Variants in SLC6A18 observed in about 807,000 individuals in gnomAD.
The protein encoded by SLC6A18 is solute carrier family 6 member 18, also known as inactive sodium-dependent neutral amino acid transporter B(0)AT3.
In SLC6A18, 58 loss-of-function variants were observed where a neutral mutation model predicts 62.9. The ratio of observed to expected loss-of-function variants is 0.92; its 90% CI spans 0.75 to 1.15. The LOEUF is 1.15. SLC6A18 is among the 50% of genes most tolerant of loss of function. SLC6A18 has a pLI of 0.00. For missense variants in SLC6A18, 793 were observed against 836.6 expected, an observed-to-expected ratio of 0.95 and a Z score of 0.64; for synonymous variants, 382 against 365.8, an observed-to-expected ratio of 1.04 and a Z score of -0.51.
chr5:1,244,587 T>C, intron 10 of SLC6A18, 21 bp from the exon 11 acceptor site: 1 of 1,578,194 alleles, frequency 6.3e-7, no homozygotes, highest in Non-Finnish European at 8.6e-7. Flanking sequence ...ATGTGAAGCC[T>C]GAGCCCAGCA....
chr5:1,243,092 G>A lies in SLC6A18; in HGVS notation c.1131+229G>A, dbSNP rs1747107794. 6.6e-6 allele frequency among the ~76,000 whole-genome samples: 1 copy of A among 152,246 alleles called. No homozygotes were observed. The highest frequency in any genetic ancestry group is 1.5e-5 in the Non-Finnish European group (1 of 68,038). On this transcript the variant is annotated intron_variant, in intron 8 of 11. Coordinates refer to ENST00000324642, the MANE Select transcript of SLC6A18 (RefSeq NM_182632.3). The surrounding 1 kb of genome is among the most constrained non-coding windows in gnomAD (Gnocchi z 6.5). ...GCAGACGCTGCACCCAGCAGTCTTG[G>A]GGGTTGGGCTGACCCGAGAGAGTGG...
In SLC6A18 at chr5:1,243,430, C is replaced by T. The variant is rs1000784630; in HGVS notation, c.1132-125C>T. ...CCAGCCCTGAGCCACCTCAGCCCGACACCAGGAGGGGTGATGTGCACTCGT... is the reference window on the plus strand; with the variant it reads ...CCAGCCCTGAGCCACCTCAGCCCGATACCAGGAGGGGTGATGTGCACTCGT... On this transcript the variant is annotated intron_variant, in intron 8 of 11. Transcript: ENST00000324642. This position sits in a 1 kb window ranked among gnomAD's most constrained non-coding sequence, Gnocchi z 6.5. 1.5e-5 allele frequency: 17 copies of T among 1,127,634 alleles called. No individual in the cohort carries two copies. The highest frequency in any genetic ancestry group is 3.1e-5 in the African/African-American group (2 of 65,488). 69.9% of individuals were successfully genotyped at this position (1,127,634 alleles called of 1,614,324 possible).
At chr5:1,229,461 T>TGGTCACCTGAGGCCCCAGCCC (rs1746665303) in intron 1 of SLC6A18, among the ~76,000 whole-genome samples, 4 of 152,238 alleles carry the variant, frequency 2.6e-5, no homozygotes, top group African/African-American at 7.2e-5. Context: ...GACCTCAGCC[T>TGGTCACCTGAGGCCCCAGCCC]GGTCACCTGA....
intron 11 of SLC6A18, among the ~76,000 whole-genome samples, 173 bp from the exon 12 acceptor site, chr5:1,245,675 G>A (rs1184986322): frequency 6.6e-6 from 1 of 152,234 alleles, no homozygotes; most frequent in Non-Finnish European, 1.5e-5. Flanking sequence ...TCCTGGCCCG[G>A]AGGGGCGGTG....
Position 1,243,042 on chromosome 5 carries a change from G to A in SLC6A18, c.1131+179G>A, listed in dbSNP as rs746508344. Among the ~76,000 whole-genome samples the A allele has an allele frequency of 3.3e-5, 5 of 152,230 alleles. No individual in the cohort carries two copies. The highest frequency in any genetic ancestry group is 5.9e-5 in the Non-Finnish European group (4 of 68,032). ...GGTTGCCAGGCCTCCTGGAAAGCCC[G>A]AAGTCCTGGGGGCAGCTGTGTCCAG... is the stretch of plus-strand genomic sequence containing the variant. On this transcript the variant is annotated intron_variant, in intron 8 of 11. Transcript: ENST00000324642. The surrounding 1 kb of genome is among the most constrained non-coding windows in gnomAD (Gnocchi z 6.5).
intron 1 of SLC6A18, 81 bp downstream of exon 1, chr5:1,225,718 G>T: frequency 6.9e-7 from 1 of 1,455,032 alleles, no homozygotes; most frequent in Non-Finnish European, 9.2e-7. Flanking sequence ...CGCCTGCCAC[G>T]CATCCCCAGT....
Position 1,225,401 on chromosome 5 carries a change from G to A in SLC6A18, c.-77G>A. The A allele has an allele frequency of 2.1e-6, 3 of 1,454,370 alleles. No individual in the cohort carries two copies. Among genetic ancestry groups the A allele is most frequent in the South Asian group, 1.3e-5 (1 of 76,450 alleles). The allele number at this position is 1,454,370 out of a possible 1,614,324, so 90.1% of individuals were successfully genotyped here. A position where few individuals can be genotyped will look rare whatever the true frequency, so the allele number is the denominator to read the frequency against. On this transcript the variant is annotated 5_prime_UTR_variant, in exon 1 of 12. Transcript: ENST00000324642. ...CTTGTGGTTTCCAAACGTCGGCAGAGGCTGGAGACGGCTCTCTAGTGCTGG... is the reference window on the plus strand; with the variant it reads ...CTTGTGGTTTCCAAACGTCGGCAGAAGCTGGAGACGGCTCTCTAGTGCTGG...
rs1746747907 is a variant in SLC6A18 at position 1,232,227 on chromosome 5, C to T, written c.169C>T (p.Leu57Phe). The T allele has an allele frequency of 6.2e-7, 1 of 1,611,890 alleles. No individual in the cohort carries two copies. The highest frequency in any genetic ancestry group is 1.7e-5 in the Admixed American group (1 of 59,926). Residue 57 changes from leucine to phenylalanine, a missense_variant, in exon 2 of 12, where the codon CTC becomes TTC. Transcript: ENST00000324642. ...LCQTYGGGAF[L>F]IPYVIALVFE... ...CCACCCCCTCCTCACAGGGGCCTTC[C>T]TCATCCCCTACGTCATCGCGCTGGT...
At chr5:1,232,148 C>A in intron 1 of SLC6A18, 71 bp from the exon 2 acceptor site, 4 of 1,414,694 alleles carry the variant, frequency 2.8e-6, no homozygotes, top group South Asian at 1.3e-5. Flanking sequence ...ACAGGTGGCT[C>A]CCCCTGGCCC....
chr5:1,243,412 T>G lies in SLC6A18; in HGVS notation c.1132-143T>G. ...GTCTCCCAGAAGGCATGGCCAGCCCTGAGCCACCTCAGCCCGACACCAGGA... is the reference window on the plus strand; with the variant it reads ...GTCTCCCAGAAGGCATGGCCAGCCCGGAGCCACCTCAGCCCGACACCAGGA... On this transcript the variant is annotated intron_variant, in intron 8 of 11. Coordinates refer to ENST00000324642, the MANE Select transcript of SLC6A18 (RefSeq NM_182632.3). This position sits in a 1 kb window ranked among gnomAD's most constrained non-coding sequence, Gnocchi z 6.5. The G allele has an allele frequency of 1.1e-6, 1 of 922,302 alleles. No individual in the cohort carries two copies. Among genetic ancestry groups the G allele is most frequent in the Non-Finnish European group, 1.6e-6 (1 of 606,642 alleles). 57.1% of individuals were successfully genotyped at this position (922,302 alleles called of 1,614,324 possible).
In SLC6A18 at chr5:1,243,617, G is replaced by A. The variant is rs1747126334; in HGVS notation, c.1194G>A (p.Gly398=). The change falls in exon 9 of 12, where the codon GGG becomes GGA. Residue 398 remains glycine (G), a synonymous_variant. Transcript: ENST00000324642. This position sits in a 1 kb window ranked among gnomAD's most constrained non-coding sequence, Gnocchi z 6.5. ...VFTETDLHMP[G]APVWAMLFFG... Reference sequence around the variant, plus strand: ...CGGAGACCGACCTCCACATGCCGGGGGCTCCTGTGTGGGCCATGCTCTTCT... The same window carrying A: ...CGGAGACCGACCTCCACATGCCGGGAGCTCCTGTGTGGGCCATGCTCTTCT... 1 of 1,613,960 alleles carries A rather than the reference G, an allele frequency of 6.2e-7. No homozygotes were observed. Among genetic ancestry groups the A allele is most frequent in the South Asian group, 1.1e-5 (1 of 91,086 alleles).
chr5:1,237,708 G>A (rs1746921102), intron 4 of SLC6A18, among the ~76,000 whole-genome samples: 1 of 152,086 alleles, frequency 6.6e-6, no homozygotes, highest in Admixed American at 6.5e-5. Context: ...TGCTCCATGG[G>A]GCACAAACAT....
At chr5:1,231,083 G>A (rs1199293093) in intron 1 of SLC6A18, among the ~76,000 whole-genome samples, 1 of 152,188 alleles carries the variant, frequency 6.6e-6, no homozygotes, top group Non-Finnish European at 1.5e-5. Context: ...TGAACTTAGA[G>A]GTCAAATTGC....
chr5:1,230,221 G>A (rs528219525), intron 1 of SLC6A18, among the ~76,000 whole-genome samples: 4 of 151,016 alleles, frequency 2.6e-5, no homozygotes, highest in East Asian at 3.9e-4. Context: ...GGGCTCTCAC[G>A]GTACAGGCTG....
intron 1 of SLC6A18, among the ~76,000 whole-genome samples, chr5:1,230,681 C>T (rs116778244): frequency 0.012 from 1,827 of 152,288 alleles, 37 homozygotes; most frequent in African/African-American, 0.042. Flanking sequence ...TTCTAGAAGC[C>T]GGACCCTGCC....
intron 1 of SLC6A18, among the ~76,000 whole-genome samples, chr5:1,226,719 G>C (rs942914454): frequency 2.6e-5 from 4 of 152,166 alleles, no homozygotes; most frequent in Non-Finnish European, 5.9e-5. Flanking sequence ...CTCATCATGA[G>C]AGTCCCTTTG....
chr5:1,232,287 G>C lies in SLC6A18; in HGVS notation c.229G>C (p.Ala77Pro), dbSNP rs146563877. The C allele has an allele frequency of 1.2e-6, 2 of 1,612,620 alleles. No individual in the cohort carries two copies. The change falls in exon 2 of 12, where the codon GCC becomes CCC. Residue 77 changes from alanine (A) to proline (P), a missense_variant. Coordinates refer to ENST00000324642, the MANE Select transcript of SLC6A18 (RefSeq NM_182632.3). ...EGIPIFHVEL[A>P]IGQRLRKGSV... is the part of the protein sequence containing the mutation. ...GATCCCCATTTTCCACGTCGAGCTC[G>C]CCATCGGCCAGCGGCTGCGGAAGGG...
In SLC6A18 at chr5:1,240,563, C is replaced by A. The variant is rs1432171589; in HGVS notation, c.878C>A (p.Ala293Asp). 1 of 1,614,108 alleles carries A rather than the reference C, an allele frequency of 6.2e-7. No homozygotes were observed. The highest frequency in any genetic ancestry group is 8.5e-7 in the Non-Finnish European group (1 of 1,180,026). ...NDCQKDAVVI[A>D]LVNRMTSLYA... Reference sequence around the variant, plus strand: ...TGCCAGAAGGATGCGGTGGTCATCGCCCTGGTCAACAGGATGACCTCCCTG... The same window carrying A: ...TGCCAGAAGGATGCGGTGGTCATCGACCTGGTCAACAGGATGACCTCCCTG... Residue 293 changes from alanine (A) to aspartate (D), a missense_variant, in exon 7 of 12, where the codon GCC (alanine) becomes GAC (aspartate). Transcript: ENST00000324642.
At chr5:1,244,811 G>A (rs1747174643) in intron 11 of SLC6A18, 44 bp downstream of exon 11, 9 of 1,562,882 alleles carry the variant, frequency 5.8e-6, no homozygotes, top group South Asian at 1.2e-5. Flanking sequence ...GGGACCCCTC[G>A]GGCTTGGTCT....
Sources: gnomAD v4.1 joint callset for allele counts (sites outside exome capture counted in the v4.1 genomes callset) on GRCh38, gnomAD v4.1.1 for gene constraint, Gnocchi (gnomAD v3.1) non-coding constraint, MANE v1.5 for transcripts, NCBI Gene and HGNC (gene_info 2026-07-23, HGNC 2026-07-21) for gene names.